The following RHOT1 variants were observed in gnomAD, a reference collection of about 807,000 sequenced individuals.
RHOT1 encodes the protein ras homolog family member T1.
A neutral mutation model predicts 95.3 loss-of-function variants in RHOT1; 27 were observed. The observed-to-expected ratio is 0.28, with a 90% CI of 0.21 to 0.39. RHOT1 has a LOEUF of 0.39. Among genes scored for constraint, RHOT1 ranks in the 10% least tolerant of loss-of-function variants. The pLI is 1.00. For synonymous variants in RHOT1, 227 were observed against 263.5 expected (o/e 0.86, Z 1.34); for missense variants, 578 against 786.7 (o/e 0.73, Z 3.17).
At chr17:32,181,731 C>T (rs1364200513) in intron 6 of RHOT1, among the ~76,000 whole-genome samples, 2 of 152,192 alleles carry the variant, frequency 1.3e-5, no homozygotes, top group Non-Finnish European at 2.9e-5. Flanking sequence ...CTAAAAATCA[C>T]TGCATTTAAA....
chr17:32,185,020 A>G (rs920155343), intron 8 of RHOT1, among the ~76,000 whole-genome samples: 3 of 152,190 alleles, frequency 2.0e-5, no homozygotes, highest in Non-Finnish European at 4.4e-5. Context: ...TCCTGGCTCA[A>G]GCAATCATCC....
chr17:32,151,582 T>C (rs756100285), intron 1 of RHOT1: 1 of 336,744 alleles, frequency 3.0e-6, no homozygotes, highest in Non-Finnish European at 5.8e-6. Context: ...CAATGAACTT[T>C]TTAAAAAAAG....
At position 32,201,054 on chromosome 17, in the gene RHOT1, C is replaced by A. The variant is rs768070959; in HGVS notation, c.1199C>A (p.Thr400Lys). The A allele has an allele frequency of 6.3e-7, 1 of 1,575,182 alleles. No homozygotes were observed. The highest frequency in any genetic ancestry group is 1.1e-5 in the South Asian group (1 of 87,584). Reference protein sequence around the residue: ...TEQESQASAVTVTRDKKIDLQ... With the variant: ...TEQESQASAVKVTRDKKIDLQ... ...CAAGAGTCTCAAGCTTCAGCTGTTA[C>A]AGGTAAGTATCTAGATACTGTTCAG... The change falls in exon 14 of 20, where the codon ACA (threonine) becomes AAA (lysine). Residue 400 changes from threonine to lysine, a missense_variant and splice_region_variant. Physicochemically the swap from Thr to Lys is moderately conservative, Grantham distance 78 (BLOSUM62 -1). Coordinates refer to ENST00000545287, the MANE Select transcript of RHOT1 (RefSeq NM_001033566.3).
chr17:32,169,589 A>C (rs2034400977), intron 1 of RHOT1, among the ~76,000 whole-genome samples: 1 of 152,234 alleles, frequency 6.6e-6, no homozygotes, highest in Non-Finnish European at 1.5e-5. Context: ...AAATTGGTTT[A>C]TTCGTTTTTG....
At position 32,162,795 on chromosome 17, in the gene RHOT1, TTAATA is replaced by T. The variant is rs142251880; in HGVS notation, c.38-8244_38-8240del. 9.5e-3 allele frequency among the ~76,000 whole-genome samples: 1,454 copies of T among 152,318 alleles called. 17 individuals are homozygous for T. The highest frequency in any genetic ancestry group is 0.033 in the African/African-American group (1,391 of 41,560). On this transcript the variant is annotated intron_variant, in intron 1 of 19. Transcript: ENST00000545287. Reference sequence around the variant, plus strand: ...CTTGGGTATAAATTTAAGTTATAATTTAATATAAATTGTGTGGCACAAAAGTAGTT... The same window carrying T: ...CTTGGGTATAAATTTAAGTTATAATTTAAATTGTGTGGCACAAAAGTAGTT...
chr17:32,193,295 T>G, intron 10 of RHOT1, 51 bp downstream of exon 10: 1 of 1,205,116 alleles, frequency 8.3e-7, no homozygotes, highest in Non-Finnish European at 1.2e-6. Flanking sequence ...TTTCAAAATT[T>G]GGCAGAAGGT....
rs995228528 is a variant in RHOT1 at position 32,225,606 on chromosome 17, T to C, written c.*873T>C. ...TGTTCTATATCAGGCTAGGATAACC[T>C]AGAGGCAGTAATTTTTTAAATGATA... On this transcript the variant is annotated 3_prime_UTR_variant, in exon 20 of 20. Transcript: ENST00000545287. 5 of 152,464 alleles carry C rather than the reference T, an allele frequency of 3.3e-5. No individual in the cohort carries two copies. In the East Asian group the frequency reaches 9.6e-4, roughly 29 times the overall value. 9.4% of individuals were successfully genotyped at this position (152,464 alleles called of 1,614,324 possible). A position where few individuals can be genotyped will look rare whatever the true frequency, so the allele number is the denominator to read the frequency against.
At chr17:32,149,164 A>G (rs1317868703) in intron 1 of RHOT1, among the ~76,000 whole-genome samples, 3 of 152,174 alleles carry the variant, frequency 2.0e-5, no homozygotes, top group Admixed American at 6.5e-5. Context: ...TTTGTCCTCC[A>G]TATTAATAAC....
intron 1 of RHOT1, among the ~76,000 whole-genome samples, chr17:32,149,617 A>ATGTGTGTGTGTGTG (rs1290539388): frequency 1.8e-4 from 15 of 83,642 alleles, no homozygotes; most frequent in African/African-American, 9.5e-4. Context: ...ATATATATAT[A>ATGTGTGTGTGTGTG]TATATATATA....
Position 32,206,904 on chromosome 17 carries a change from T to C in RHOT1, c.1417-6T>C. On this transcript the variant is annotated splice_region_variant and splice_polypyrimidine_tract_variant and intron_variant, in intron 16 of 19. Transcript: ENST00000545287. ...TATATTTTTCATTATCTTTTTCTTT[T>C]ACAAGTTGCATGATATCTCAGAATC... 1 of 1,559,428 alleles carries C rather than the reference T, an allele frequency of 6.4e-7. No homozygotes were observed. Among genetic ancestry groups the C allele is most frequent in the Non-Finnish European group, 8.8e-7 (1 of 1,136,190 alleles).
At chr17:32,180,425 G>T (rs1454567049) in intron 6 of RHOT1, among the ~76,000 whole-genome samples, 1 of 152,062 alleles carries the variant, frequency 6.6e-6, no homozygotes, top group South Asian at 2.1e-4. Flanking sequence ...GGCAGTGCAA[G>T]ATGTGCTTTG....
chr17:32,225,640 C>A lies in RHOT1; in HGVS notation c.*907C>A, dbSNP rs918615159. ...TAATTTTTTAAATGATAAAATAAAT[C>A]TAATGAATATAAACTCTCATGATAA... On this transcript the variant is annotated 3_prime_UTR_variant, in exon 20 of 20. Coordinates refer to ENST00000545287, the MANE Select transcript of RHOT1 (RefSeq NM_001033566.3). 1 of 152,170 alleles carries A rather than the reference C, an allele frequency of 6.6e-6. No homozygotes were observed. The highest frequency in any genetic ancestry group is 1.5e-5 in the Non-Finnish European group (1 of 68,018). The allele number at this position is 152,170 out of a possible 1,614,324, so 9.4% of individuals were successfully genotyped here.
At chr17:32,195,003 A>G (rs955933504) in intron 11 of RHOT1, among the ~76,000 whole-genome samples, 1 of 150,672 alleles carries the variant, frequency 6.6e-6, no homozygotes, top group Non-Finnish European at 1.5e-5. Context: ...TTTTTTGTAT[A>G]TTTAGTAGAG....
chr17:32,197,675 G>A (rs1338183893), intron 11 of RHOT1, among the ~76,000 whole-genome samples: 3 of 151,962 alleles, frequency 2.0e-5, no homozygotes, highest in Non-Finnish European at 1.5e-5. Context: ...TGATCTGCCC[G>A]CCTCGGCCTC....
chr17:32,177,989 T>G (rs2035159106), intron 6 of RHOT1, among the ~76,000 whole-genome samples: 1 of 151,206 alleles, frequency 6.6e-6, no homozygotes, highest in Non-Finnish European at 1.5e-5. Context: ...CACACCCAGC[T>G]AATTTTTGTA....
Position 32,199,361 on chromosome 17 carries a change from T to C in RHOT1, c.955-44T>C, listed in dbSNP as rs539949106. The C allele has an allele frequency of 1.3e-5, 20 of 1,565,316 alleles. 1 individual carries two copies. In the South Asian group the frequency reaches 1.9e-4, roughly 15 times the overall value. ...TGGGGGGCTTTTGAGTTGGGAATTA[T>C]TATCTTAGATATCTAAACATTCTGT... On this transcript the variant is annotated intron_variant, in intron 12 of 19. Coordinates refer to ENST00000545287, the MANE Select transcript of RHOT1 (RefSeq NM_001033566.3).
intron 2 of RHOT1, among the ~76,000 whole-genome samples, chr17:32,172,707 T>G (rs568892840): frequency 6.6e-6 from 1 of 152,346 alleles, no homozygotes; most frequent in African/African-American, 2.4e-5. Context: ...GGCGCATGCC[T>G]GTAATCCCAG....
chr17:32,176,276 A>G, intron 6 of RHOT1, 63 bp downstream of exon 6: 2 of 1,306,360 alleles, frequency 1.5e-6, no homozygotes, highest in Non-Finnish European at 2.2e-6. Context: ...AAAAGGTACA[A>G]GAAGTAGTAC....
At chr17:32,224,191 C>G (rs2039004763) in intron 19 of RHOT1, among the ~76,000 whole-genome samples, 1 of 152,096 alleles carries the variant, frequency 6.6e-6, no homozygotes, top group African/African-American at 2.4e-5. Context: ...TAACTGCTTA[C>G]AAAATAGCTT....
Sources: gnomAD v4.1 joint callset for allele counts (sites outside exome capture counted in the v4.1 genomes callset) on GRCh38, gnomAD v4.1.1 for gene constraint, MANE v1.5 for transcripts, NCBI Gene and HGNC (gene_info 2026-07-23, HGNC 2026-07-21) for gene names.